JAKMIP2: variants seen among roughly 807,000 people sequenced by gnomAD.
JAKMIP2 encodes the protein janus kinase and microtubule-interacting protein 2.
JAKMIP2 carries 25 observed loss-of-function variants against 115.0 expected under a neutral mutation model. The ratio of observed to expected loss-of-function variants is 0.22; its 90% CI spans 0.16 to 0.30. The LOEUF is 0.30. Among genes scored for constraint, JAKMIP2 ranks in the 10% least tolerant of loss-of-function variants. JAKMIP2 has a pLI of 1.00. For synonymous variants in JAKMIP2, 334 were observed against 343.6 expected (o/e 0.97, Z 0.31); for missense variants, 642 against 957.6 (o/e 0.67, Z 4.35).
intron 15 of JAKMIP2, 91 bp from the exon 16 acceptor site, chr5:147,628,907 T>C (rs550306095): frequency 3.9e-6 from 3 of 774,178 alleles, no homozygotes; most frequent in Non-Finnish European, 4.3e-6. Context: ...CAGAGCATTC[T>C]GTATAAGCCT....
chr5:147,682,974 G>A (rs146043840), intron 1 of JAKMIP2, among the ~76,000 whole-genome samples: 2 of 152,244 alleles, frequency 1.3e-5, no homozygotes, highest in African/African-American at 4.8e-5. Context: ...AACAAAGTAA[G>A]TCTTTAAGTG....
At chr5:147,731,832 G>C (rs779272108) in intron 1 of JAKMIP2, among the ~76,000 whole-genome samples, 8 of 152,178 alleles carry the variant, frequency 5.3e-5, no homozygotes, top group Non-Finnish European at 1.0e-4. Context: ...AGGATGATTA[G>C]CTGTTCTTGG....
chr5:147,670,385 T>A (rs1421510267), intron 2 of JAKMIP2, among the ~76,000 whole-genome samples: 1 of 152,230 alleles, frequency 6.6e-6, no homozygotes, highest in East Asian at 1.9e-4. Context: ...TGTATAATTA[T>A]CTAAATAAGG....
chr5:147,648,532 A>T (rs1758243518), intron 4 of JAKMIP2, 58 bp from the exon 5 acceptor site: 1 of 923,028 alleles, frequency 1.1e-6, no homozygotes, highest in Non-Finnish European at 1.8e-6. Context: ...AAAGTTTGGG[A>T]ATATCACTTA....
At chr5:147,648,123 G>A (rs1758216593) in intron 5 of JAKMIP2, among the ~76,000 whole-genome samples, 1 of 152,136 alleles carries the variant, frequency 6.6e-6, no homozygotes, top group South Asian at 2.1e-4. Context: ...ATTGAAGTCA[G>A]AATAGTGGTT....
At chr5:147,666,678 A>G (rs1002395048) in intron 2 of JAKMIP2, among the ~76,000 whole-genome samples, 16 of 152,212 alleles carry the variant, frequency 1.1e-4, no homozygotes, top group African/African-American at 3.1e-4. Flanking sequence ...GCTCCAGGTA[A>G]GTTCCTACAC....
chr5:147,736,630 GAT>G (rs1753934924), intron 1 of JAKMIP2, among the ~76,000 whole-genome samples: 2 of 151,438 alleles, frequency 1.3e-5, no homozygotes, highest in Non-Finnish European at 2.9e-5. Context: ...TTATATGTTG[GAT>G]ATTTATAAGG....
At chr5:147,707,599 T>C (rs900382564) in intron 1 of JAKMIP2, among the ~76,000 whole-genome samples, 2 of 152,122 alleles carry the variant, frequency 1.3e-5, no homozygotes, top group African/African-American at 4.8e-5. Flanking sequence ...AATATGTAGC[T>C]ACCAGTGTTT....
intron 1 of JAKMIP2, among the ~76,000 whole-genome samples, chr5:147,691,929 T>C (rs1751877416): frequency 6.6e-6 from 1 of 152,158 alleles, no homozygotes; most frequent in African/African-American, 2.4e-5. Context: ...TGGTCCTTCC[T>C]GTTTCGGAGA....
intron 3 of JAKMIP2, among the ~76,000 whole-genome samples, chr5:147,651,034 T>C (rs1466492231): frequency 1.3e-5 from 2 of 152,150 alleles, no homozygotes; most frequent in East Asian, 3.9e-4. Flanking sequence ...CCCAGTGGCC[T>C]AGTCATTTTT....
intron 2 of JAKMIP2, among the ~76,000 whole-genome samples, chr5:147,665,988 G>A (rs1028289456): frequency 5.3e-5 from 8 of 152,132 alleles, no homozygotes; most frequent in African/African-American, 1.4e-4. Context: ...ATTCCAGCCT[G>A]AAGACAAAAA....
At chr5:147,608,539 CTGTT>C (rs1324951287) in intron 20 of JAKMIP2, among the ~76,000 whole-genome samples, 2 of 152,106 alleles carry the variant, frequency 1.3e-5, no homozygotes, top group East Asian at 3.9e-4. Context: ...GTCTGAGAGA[CTGTT>C]TGTTATGATT....
chr5:147,759,551 A>G (rs973416262), intron 1 of JAKMIP2, among the ~76,000 whole-genome samples: 2 of 152,134 alleles, frequency 1.3e-5, no homozygotes, highest in Non-Finnish European at 2.9e-5. Flanking sequence ...CCAATCAATG[A>G]TAAGTGTAAT....
chr5:147,671,610 G>A, intron 2 of JAKMIP2, 68 bp downstream of exon 2: 1 of 1,286,662 alleles, frequency 7.8e-7, no homozygotes, highest in Admixed American at 3.1e-5. Flanking sequence ...AGGCAGAGCT[G>A]TGCTCGCTGC....
At chr5:147,778,400 T>C (rs575600222) in intron 1 of JAKMIP2, among the ~76,000 whole-genome samples, 1 of 152,188 alleles carries the variant, frequency 6.6e-6, no homozygotes. Flanking sequence ...GTACCTGAAA[T>C]ATTCAAATAA....
Position 147,661,256 on chromosome 5 carries a change from G to A in JAKMIP2, c.319C>T (p.Arg107Cys). ...EQEMSRTVKV[R>C]DGEIQRLKSA... ...TTGAGCCTCTGGATCTCTCCATCAC[G>A]TACCTTCACCGTCCTTGACATTTCC... is the stretch of plus-strand genomic sequence containing the variant. Residue 107 changes from arginine (R) to cysteine (C), a missense_variant, in exon 3 of 22, where the codon CGT (arginine) becomes TGT (cysteine). By Grantham distance (180) the Arg-to-Cys change is radical (BLOSUM62 -3). Transcript: ENST00000616793. The A allele has an allele frequency of 6.2e-7, 1 of 1,613,792 alleles. No individual in the cohort carries two copies. Among genetic ancestry groups the A allele is most frequent in the African/African-American group, 1.3e-5 (1 of 74,950 alleles).
intron 1 of JAKMIP2, among the ~76,000 whole-genome samples, chr5:147,702,636 GAAAGA>G (rs1167868765): frequency 9.0e-5 from 11 of 122,850 alleles, no homozygotes; most frequent in Non-Finnish European, 9.9e-5. Context: ...AAGAAAGAAA[GAAAGA>G]AAGAAAGAAA....
At chr5:147,702,619 A>AGAAAGAAG (rs1752397462) in intron 1 of JAKMIP2, among the ~76,000 whole-genome samples, 1 of 96,254 alleles carries the variant, frequency 1.0e-5, no homozygotes, top group Admixed American at 1.1e-4. Flanking sequence ...AAAGAAAGAA[A>AGAAAGAAG]GAAAGAAAGA....
At chr5:147,687,580 G>C (rs1760634185) in intron 1 of JAKMIP2, among the ~76,000 whole-genome samples, 1 of 152,214 alleles carries the variant, frequency 6.6e-6, no homozygotes. Context: ...AATTATGGAT[G>C]TATCAAGACT....
Sources: gnomAD v4.1 joint callset for allele counts (sites outside exome capture counted in the v4.1 genomes callset) on GRCh38, gnomAD v4.1.1 for gene constraint, MANE v1.5 for transcripts, NCBI Gene and HGNC (gene_info 2026-07-23, HGNC 2026-07-21) for gene names.